TRAM1: variants seen among roughly 807,000 people sequenced by gnomAD.
TRAM1 encodes the protein translocation associated membrane protein 1.
TRAM1 carries 17 observed loss-of-function variants against 48.7 expected under a neutral mutation model. That is an observed-to-expected ratio of 0.35 (90% CI 0.24 to 0.52). The LOEUF (loss-of-function observed/expected upper bound fraction) is 0.52, where lower values mean the gene tolerates loss of function less well. Among genes scored for constraint, TRAM1 ranks in the 20% least tolerant of loss-of-function variants. TRAM1 has a pLI of 0.94. For synonymous variants in TRAM1, 182 were observed against 154.0 expected, an observed-to-expected ratio of 1.18 and a Z score of -1.34; for missense variants, 351 against 441.5, an observed-to-expected ratio of 0.79 and a Z score of 1.84.
At chr8:70,585,245 C>A (rs1563382662) in intron 8 of TRAM1, among the ~76,000 whole-genome samples, 4 of 152,028 alleles carry the variant, frequency 2.6e-5, no homozygotes, top group African/African-American at 9.7e-5. Flanking sequence ...GAAACTGGAT[C>A]CCTTCCTTAC....
intron 10 of TRAM1, among the ~76,000 whole-genome samples, chr8:70,580,025 G>A (rs1460933651): frequency 6.6e-6 from 1 of 152,162 alleles, no homozygotes; most frequent in East Asian, 1.9e-4. Flanking sequence ...ATGTACATTA[G>A]CTTAAAAAAG....
At position 70,587,013 on chromosome 8, in the gene TRAM1, A is replaced by C; in HGVS notation, c.642-14T>G. The C allele has an allele frequency of 6.2e-7, 1 of 1,612,856 alleles. No individual in the cohort carries two copies. The highest frequency in any genetic ancestry group is 8.5e-7 in the Non-Finnish European group (1 of 1,179,030). ...AGATGATTCAAGCTGTTAAAAGAGC[A>C]AATTAAAAATGGGAATATTAATTAT... On this transcript the variant is annotated splice_polypyrimidine_tract_variant and intron_variant, in intron 7 of 10. Coordinates refer to ENST00000262213, the MANE Select transcript of TRAM1 (RefSeq NM_014294.6).
intron 6 of TRAM1, chr8:70,587,592 T>G (rs1251576742): frequency 6.2e-6 from 1 of 160,562 alleles, no homozygotes; most frequent in Non-Finnish European, 1.4e-5. Flanking sequence ...CTAATGTGTA[T>G]TAAATGACAC....
intron 6 of TRAM1, among the ~76,000 whole-genome samples, chr8:70,592,848 A>C (rs999471578): frequency 6.6e-6 from 1 of 152,250 alleles, no homozygotes; most frequent in African/African-American, 2.4e-5. Context: ...AAAATGGTAC[A>C]TACTAGCCAC....
chr8:70,591,166 C>T (rs1817350541), intron 6 of TRAM1, among the ~76,000 whole-genome samples: 1 of 152,204 alleles, frequency 6.6e-6, no homozygotes, highest in Non-Finnish European at 1.5e-5. Flanking sequence ...AGAGATGAGT[C>T]TCATTACATT....
chr8:70,596,606 A>G lies in TRAM1; in HGVS notation c.427-285T>C, dbSNP rs746476981. Among the ~76,000 whole-genome samples, 54 of 152,178 alleles carry G rather than the reference A, an allele frequency of 3.5e-4. 1 individual carries two copies. Among genetic ancestry groups the G allele is most frequent in the South Asian group, 2.1e-4 (1 of 4,834 alleles). On this transcript the variant is annotated intron_variant, in intron 4 of 10. Transcript: ENST00000262213. ...ATAGAATAAAAATACACGTACACAA[A>G]CAAACATAAAACCACCAATAAGAGG...
intron 6 of TRAM1, among the ~76,000 whole-genome samples, chr8:70,588,269 G>C (rs1446107611): frequency 6.6e-6 from 1 of 151,998 alleles, no homozygotes; most frequent in African/African-American, 2.4e-5. Flanking sequence ...GGTCACACCA[G>C]CATCTTTTAA....
rs2132052771 is a variant in TRAM1, at chr8:70,608,245, C to G, written c.-46G>C. 6.5e-7 allele frequency: 1 copy of G among 1,540,948 alleles called. No homozygotes were observed. The highest frequency in any genetic ancestry group is 1.4e-5 in the African/African-American group (1 of 70,408). On this transcript the variant is annotated 5_prime_UTR_variant, in exon 1 of 11. Coordinates refer to ENST00000262213, the MANE Select transcript of TRAM1 (RefSeq NM_014294.6). ...CTGCAGGTGCTCCGCCCCGGTTCTGCTCTTCCCAGCTGCTCACCGACTCGC... is the reference window on the plus strand; with the variant it reads ...CTGCAGGTGCTCCGCCCCGGTTCTGGTCTTCCCAGCTGCTCACCGACTCGC...
In TRAM1 at chr8:70,574,916, A is replaced by ATTAGT; in HGVS notation, c.*11_*15dup. The ATTAGT allele has an allele frequency of 6.5e-7, 1 of 1,537,294 alleles. No homozygotes were observed. The highest frequency in any genetic ancestry group is 1.1e-5 in the South Asian group (1 of 87,888). On this transcript the variant is annotated 3_prime_UTR_variant, in exon 11 of 11. Transcript: ENST00000262213. ...CAGATTTCTTTGGGGACATTAATCA[A>ATTAGT]TTAGTTTATAATTCATTATGAAGAT... is the stretch of plus-strand genomic sequence containing the variant.
At chr8:70,585,322 C>T (rs1817186366) in intron 8 of TRAM1, among the ~76,000 whole-genome samples, 1 of 151,962 alleles carries the variant, frequency 6.6e-6, no homozygotes, top group South Asian at 2.1e-4. Flanking sequence ...ACATAAAAAC[C>T]CTAGAAGAAA....
intron 6 of TRAM1, among the ~76,000 whole-genome samples, chr8:70,588,741 C>CT (rs1491478837): frequency 6.6e-6 from 1 of 152,134 alleles, no homozygotes; most frequent in Non-Finnish European, 1.5e-5. Flanking sequence ...TTACAAAACA[C>CT]TGACAGTGAT....
intron 6 of TRAM1, among the ~76,000 whole-genome samples, chr8:70,589,552 A>T (rs1049223456): frequency 2.0e-5 from 3 of 152,220 alleles, no homozygotes; most frequent in Non-Finnish European, 2.9e-5. Flanking sequence ...TGTAACTAAA[A>T]TTTTAAATAA....
chr8:70,578,052 T>A (rs1816997874), intron 10 of TRAM1, among the ~76,000 whole-genome samples: 1 of 152,032 alleles, frequency 6.6e-6, no homozygotes. Flanking sequence ...GCTTGACAGG[T>A]GTAGGATCTG....
intron 10 of TRAM1, among the ~76,000 whole-genome samples, chr8:70,579,430 T>C (rs1231533505): frequency 6.6e-6 from 1 of 152,238 alleles, no homozygotes; most frequent in Non-Finnish European, 1.5e-5. Context: ...TGAAATGTCA[T>C]TATTTAGCAC....
intron 1 of TRAM1, 141 bp from the exon 2 acceptor site, chr8:70,600,223 A>G (rs1054040507): frequency 6.8e-5 from 43 of 633,704 alleles, no homozygotes; most frequent in Non-Finnish European, 1.1e-4. Flanking sequence ...GACAGACACA[A>G]TGGAAATTAC....
chr8:70,607,858 G>A, intron 1 of TRAM1: 3 of 431,958 alleles, frequency 6.9e-6, no homozygotes, highest in Non-Finnish European at 7.6e-6. Context: ...GGGCCGCGAT[G>A]AGGCCCACCG....
At chr8:70,603,301 TATACAC>T (rs1817645531) in intron 1 of TRAM1, among the ~76,000 whole-genome samples, 1 of 39,068 alleles carries the variant, frequency 2.6e-5, no homozygotes, top group Non-Finnish European at 5.3e-5. Flanking sequence ...ATATATGTTT[TATACAC>T]ACACACACAC....
intron 8 of TRAM1, among the ~76,000 whole-genome samples, chr8:70,586,222 A>G (rs1250411304): frequency 1.4e-5 from 2 of 138,288 alleles, no homozygotes; most frequent in Non-Finnish European, 3.0e-5. Flanking sequence ...GAACTGAACA[A>G]TGAGAACACA....
rs1817532702 is a variant in TRAM1 at position 70,598,199 on chromosome 8, T to C, written c.244A>G (p.Thr82Ala). ...LYYYGIKDLA[T>A]VFFYMLVAII... is the part of the protein sequence containing the mutation. The stretch of plus-strand genomic sequence containing the variant: ...GCCACTAGCATGTAGAAGAAAACAG[T>C]AGCCAAATCTTTGATGCCATAGTAA... The change falls in exon 3 of 11, where the codon ACT becomes GCT. Residue 82 changes from threonine (T) to alanine (A), a missense_variant. Thr to Ala is a moderately conservative substitution (Grantham distance 58). Transcript: ENST00000262213. The C allele has an allele frequency of 6.2e-7, 1 of 1,613,102 alleles. No homozygotes were observed. Among genetic ancestry groups the C allele is most frequent in the African/African-American group, 1.3e-5 (1 of 74,864 alleles).
Sources: allele counts gnomAD v4.1 joint callset (sites outside exome capture counted in the v4.1 genomes callset), GRCh38; gene constraint gnomAD v4.1.1; transcripts MANE v1.5; gene names NCBI Gene and HGNC (gene_info 2026-07-23, HGNC 2026-07-21).